The following NF1 variants were observed in gnomAD, a reference collection of about 807,000 sequenced individuals.
NF1 encodes the protein neurofibromin.
NF1 carries 122 observed loss-of-function variants against 325.7 expected under a neutral mutation model. The ratio of observed to expected loss-of-function variants is 0.37; its 90% CI spans 0.32 to 0.44. NF1 has a LOEUF of 0.44. NF1 is among the 20% of genes least tolerant of loss of function. The pLI is 1.00. For synonymous variants in NF1, 1,091 were observed against 1,186.0 expected (o/e 0.92, Z 1.65); for missense variants, 2,140 against 3,415.4 (o/e 0.63, Z 9.31).
intron 1 of NF1, among the ~76,000 whole-genome samples, chr17:31,130,720 C>G (rs1190338373): frequency 6.6e-6 from 1 of 152,176 alleles, no homozygotes; most frequent in Non-Finnish European, 1.5e-5. Flanking sequence ...GCAGGGTGTA[C>G]TCACGCTGGC....
At chr17:31,252,710 T>A (rs899201595) in intron 30 of NF1, 3 of 524,806 alleles carry the variant, frequency 5.7e-6, no homozygotes, top group African/African-American at 1.9e-5. Flanking sequence ...ATAGTAGACA[T>A]GATTGGGTCT....
chr17:31,341,708 C>T (rs1189474341), intron 47 of NF1, among the ~76,000 whole-genome samples: 2 of 149,700 alleles, frequency 1.3e-5, no homozygotes, highest in African/African-American at 4.9e-5. Context: ...TGTGTGTGCA[C>T]GTGTGCATGT....
chr17:31,296,258 A>ATACC, intron 36 of NF1: 1 of 1,614,144 alleles, frequency 6.2e-7, no homozygotes, highest in Non-Finnish European at 8.5e-7. Context: ...GAGAGGACAA[A>ATACC]TGCATAAAAT....
At chr17:31,175,107 CAAAA>C (rs1171161386) in intron 5 of NF1, among the ~76,000 whole-genome samples, 2 of 29,030 alleles carry the variant, frequency 6.9e-5, no homozygotes, top group Non-Finnish European at 1.1e-4. Flanking sequence ...GACTCCATCT[CAAAA>C]AAAAAAAAAA....
intron 1 of NF1, among the ~76,000 whole-genome samples, chr17:31,141,476 A>G (rs1013984074): frequency 6.6e-6 from 1 of 152,048 alleles, no homozygotes; most frequent in African/African-American, 2.4e-5. Context: ...ATGGCCTTTT[A>G]GTTAGAATTT....
At chr17:31,329,731 TA>T (rs2069434879) in intron 38 of NF1, among the ~76,000 whole-genome samples, 1 of 152,218 alleles carries the variant, frequency 6.6e-6, no homozygotes, top group African/African-American at 2.4e-5. Context: ...GACTTAATTA[TA>T]AGTTAATTTT....
chr17:31,341,601 G>GTT (rs2069824536), intron 47 of NF1, among the ~76,000 whole-genome samples: 3 of 76,260 alleles, frequency 3.9e-5, no homozygotes, highest in Admixed American at 3.1e-4. Flanking sequence ...TAAAGTGTGT[G>GTT]TGTGTGTGTG....
At chr17:31,194,141 A>G (rs905444087) in intron 8 of NF1, among the ~76,000 whole-genome samples, 4 of 152,192 alleles carry the variant, frequency 2.6e-5, no homozygotes, top group African/African-American at 9.6e-5. Context: ...CATCCTAAGT[A>G]TCTAACAACA....
intron 36 of NF1, among the ~76,000 whole-genome samples, chr17:31,275,638 C>T (rs1404868168): frequency 6.6e-6 from 1 of 152,112 alleles, no homozygotes; most frequent in African/African-American, 2.4e-5. Flanking sequence ...AACATATCCC[C>T]CACAGTTAAG....
At chr17:31,352,517 ATG>A in intron 51 of NF1, 103 bp downstream of exon 51, 2 of 1,187,312 alleles carry the variant, frequency 1.7e-6, no homozygotes, top group Non-Finnish European at 2.3e-6. Context: ...AAAATTTTCC[ATG>A]TCAGTGTAGC....
chr17:31,308,358 C>T (rs1239712592), intron 36 of NF1, among the ~76,000 whole-genome samples: 2 of 152,064 alleles, frequency 1.3e-5, no homozygotes, highest in Non-Finnish European at 2.9e-5. Context: ...CCAGACCGGT[C>T]TCGAACTCCT....
Position 31,261,724 on chromosome 17 carries a change from G to A in NF1, c.4591G>A (p.Val1531Ile), listed in dbSNP as rs2151466215. 6.2e-7 allele frequency: 1 copy of A among 1,612,100 alleles called. No homozygotes were observed. Among genetic ancestry groups the A allele is most frequent in the Non-Finnish European group, 8.5e-7 (1 of 1,179,940 alleles). The change falls in exon 35 of 58, where the codon GTT becomes ATT. Residue 1531 changes from valine (V) to isoleucine (I), a missense_variant. By Grantham distance (29) the Val-to-Ile change is conservative. Coordinates refer to ENST00000358273, the MANE Select transcript of NF1 (RefSeq NM_001042492.3). ...YLSSNRDHKA[V>I]GRRPFDKMAT... The stretch of plus-strand genomic sequence containing the variant: ...TGCTGTATCTAGGGATCATAAAGCT[G>A]TTGGAAGACGACCTTTTGATAAGAT...
intron 56 of NF1, chr17:31,359,441 G>A: frequency 5.3e-6 from 1 of 189,814 alleles, no homozygotes; most frequent in East Asian, 1.5e-4. Flanking sequence ...GTCCTCATTT[G>A]CTCTTATTCA....
chr17:31,193,745 A>C (rs2066387924), intron 8 of NF1, among the ~76,000 whole-genome samples: 1 of 152,214 alleles, frequency 6.6e-6, no homozygotes, highest in Non-Finnish European at 1.5e-5. Flanking sequence ...ACATTTCTTA[A>C]AAGAAGACAG....
At chr17:31,139,643 T>C (rs1479847736) in intron 1 of NF1, among the ~76,000 whole-genome samples, 2 of 152,198 alleles carry the variant, frequency 1.3e-5, no homozygotes, top group Non-Finnish European at 2.9e-5. Flanking sequence ...TAAATGTATG[T>C]CTTTTCTTTG....
chr17:31,170,771 T>C (rs545210093), intron 5 of NF1, among the ~76,000 whole-genome samples: 1 of 152,356 alleles, frequency 6.6e-6, no homozygotes, highest in East Asian at 1.9e-4. Context: ...TAAGCAGTGA[T>C]GTATTCATGT....
chr17:31,285,225 C>T (rs1344915013), intron 36 of NF1, among the ~76,000 whole-genome samples: 2 of 144,418 alleles, frequency 1.4e-5, no homozygotes, highest in African/African-American at 2.6e-5. Flanking sequence ...TGCAGTAAAC[C>T]GAAATCGCAC....
chr17:31,241,476 T>C (rs1048699349), intron 29 of NF1, among the ~76,000 whole-genome samples: 7 of 152,218 alleles, frequency 4.6e-5, no homozygotes, highest in African/African-American at 1.7e-4. Flanking sequence ...ACAGATGATA[T>C]GTGTTAATTT....
rs16972178 is a variant in NF1, at chr17:31,305,974, A to G, written c.4836-19846A>G. 9.1e-3 allele frequency among the ~76,000 whole-genome samples: 1,392 copies of G among 152,252 alleles called. 21 individuals are homozygous for G. Among genetic ancestry groups the G allele is most frequent in the African/African-American group, 0.032 (1,326 of 41,536 alleles). ...ATACTTCTCAAAACGCATAGGCTCT[A>G]TATGCTGGATCCATGTGTTCTCTAC... On this transcript the variant is annotated intron_variant, in intron 36 of 57. Coordinates refer to ENST00000358273, the MANE Select transcript of NF1 (RefSeq NM_001042492.3).
Sources: allele counts gnomAD v4.1 joint callset (sites outside exome capture counted in the v4.1 genomes callset), GRCh38; gene constraint gnomAD v4.1.1; transcripts MANE v1.5; gene names NCBI Gene and HGNC (gene_info 2026-07-23, HGNC 2026-07-21).